Variants in NAA35 observed in about 807,000 individuals in gnomAD.
The protein encoded by NAA35 is N-alpha-acetyltransferase 35, NatC auxiliary subunit.
NAA35 carries 18 observed loss-of-function variants against 101.7 expected under a neutral mutation model. The observed-to-expected ratio is 0.18, with a 90% CI of 0.12 to 0.26. NAA35 has a LOEUF of 0.26. NAA35 is among the 10% of genes least tolerant of loss of function. The pLI is 1.00. For synonymous variants in NAA35, 267 were observed against 273.1 expected (o/e 0.98, Z 0.22); for missense variants, 601 against 886.8 (o/e 0.68, Z 4.09).
chr9:86,008,580 CAT>C (rs1208333842), intron 14 of NAA35, among the ~76,000 whole-genome samples: 2 of 152,290 alleles, frequency 1.3e-5, no homozygotes, highest in African/African-American at 4.8e-5. Flanking sequence ...ACCAGAGACT[CAT>C]AGGAATCTAA....
Position 85,941,763 on chromosome 9 carries a change from TA to T in NAA35, c.-5-391del, listed in dbSNP as rs1564280922. On this transcript the variant is annotated intron_variant, in intron 1 of 22. Coordinates refer to ENST00000361671, the MANE Select transcript of NAA35 (RefSeq NM_024635.4). ...GAAGGGCTACCTTGATTGACTTCGGTAGCTGCCGCATGGGGTCCTGGGCTGC... is the reference window on the plus strand; with the variant it reads ...GAAGGGCTACCTTGATTGACTTCGGTGCTGCCGCATGGGGTCCTGGGCTGC... The T allele has an allele frequency of 9.5e-5, 94 of 990,566 alleles. 1 individual carries two copies. The South Asian group carries it at 3.6e-3, about 38-fold the overall frequency. 61.4% of individuals were successfully genotyped at this position (990,566 alleles called of 1,614,324 possible). A position where few individuals can be genotyped will look rare whatever the true frequency, so the allele number is the denominator to read the frequency against.
chr9:86,018,191 A>G lies in NAA35; in HGVS notation c.1774-64A>G, dbSNP rs147801585. ...AGCTGTTTCTTGTCTTCCATTCTGT[A>G]TTGATGAGTGTTCACTTTTTTCATA... is the stretch of plus-strand genomic sequence containing the variant. On this transcript the variant is annotated intron_variant, in intron 19 of 22. Coordinates refer to ENST00000361671, the MANE Select transcript of NAA35 (RefSeq NM_024635.4). 1,101 of 1,456,578 alleles carry G rather than the reference A, an allele frequency of 7.6e-4. 7 individuals are homozygous for G. Among genetic ancestry groups the G allele is most frequent in the African/African-American group, 4.3e-3 (310 of 72,078 alleles). 90.2% of individuals were successfully genotyped at this position (1,456,578 alleles called of 1,614,324 possible).
chr9:86,008,617 G>A (rs2118384321), intron 14 of NAA35, among the ~76,000 whole-genome samples: 1 of 152,288 alleles, frequency 6.6e-6, no homozygotes, highest in Non-Finnish European at 1.5e-5. Flanking sequence ...TGTTAGCAAT[G>A]ATTTAATAGT....
Position 85,996,581 on chromosome 9 carries a change from A to C in NAA35, c.1056+4A>C. ...AACAAATTTACATTGTATCCTGGTA[A>C]GTACAAATCTCTGTTCCAGAATGTA... On this transcript the variant is annotated splice_donor_region_variant and intron_variant, in intron 12 of 22. Coordinates refer to ENST00000361671, the MANE Select transcript of NAA35 (RefSeq NM_024635.4). 6.5e-7 allele frequency: 1 copy of C among 1,531,788 alleles called. No homozygotes were observed. The highest frequency in any genetic ancestry group is 8.7e-7 in the Non-Finnish European group (1 of 1,144,984). 94.9% of individuals were successfully genotyped at this position (1,531,788 alleles called of 1,614,324 possible).
intron 6 of NAA35, among the ~76,000 whole-genome samples, chr9:85,967,570 G>A (rs1829810533): frequency 6.6e-6 from 1 of 152,184 alleles, no homozygotes; most frequent in South Asian, 2.1e-4. Context: ...CACTTTGAGA[G>A]GCCCGAGGTG....
chr9:85,941,631 G>C, intron 1 of NAA35: 1 of 986,168 alleles, frequency 1.0e-6, no homozygotes, highest in Non-Finnish European at 1.2e-6. Flanking sequence ...AGGCCCGGCC[G>C]GCGGGACCCT....
chr9:86,016,459 A>G, intron 17 of NAA35, 80 bp from the exon 18 acceptor site: 1 of 1,205,808 alleles, frequency 8.3e-7, no homozygotes, highest in Admixed American at 2.3e-5. Context: ...ATTATTTGAA[A>G]TATCTATCGT....
intron 11 of NAA35, among the ~76,000 whole-genome samples, chr9:85,979,217 A>G (rs890342080): frequency 2.6e-5 from 4 of 152,202 alleles, no homozygotes; most frequent in African/African-American, 9.6e-5. Flanking sequence ...AGACAGGATC[A>G]TTTATAACCT....
At chr9:85,985,491 G>A (rs1241584939) in intron 11 of NAA35, among the ~76,000 whole-genome samples, 11 of 152,168 alleles carry the variant, frequency 7.2e-5, no homozygotes, top group Admixed American at 2.0e-4. Context: ...AATCAGAAAA[G>A]ACCATGTATT....
At chr9:85,949,515 G>C (rs938953606) in intron 2 of NAA35, among the ~76,000 whole-genome samples, 9 of 151,768 alleles carry the variant, frequency 5.9e-5, no homozygotes, top group African/African-American at 2.2e-4. Flanking sequence ...GGCTGGTCTC[G>C]AACTCCTGAC....
chr9:85,985,224 G>C (rs769004694), intron 11 of NAA35, among the ~76,000 whole-genome samples: 35 of 152,270 alleles, frequency 2.3e-4, no homozygotes, highest in Non-Finnish European at 4.9e-4. Flanking sequence ...CAGCTCTCTT[G>C]GAGATAGTCT....
At chr9:85,948,643 A>G (rs1029944192) in intron 2 of NAA35, among the ~76,000 whole-genome samples, 32 of 152,270 alleles carry the variant, frequency 2.1e-4, no homozygotes, top group African/African-American at 7.5e-4. Context: ...CACTTGACTG[A>G]TATTATGTCT....
At chr9:85,969,543 G>T (rs907986980) in intron 6 of NAA35, among the ~76,000 whole-genome samples, 6 of 152,060 alleles carry the variant, frequency 3.9e-5, no homozygotes, top group Non-Finnish European at 8.8e-5. Flanking sequence ...ATTTACATCA[G>T]CATGCAAACG....
At chr9:86,017,589 T>A in intron 19 of NAA35, 24 bp downstream of exon 19, 2 of 1,600,238 alleles carry the variant, frequency 1.2e-6, no homozygotes, top group Non-Finnish European at 1.7e-6. Flanking sequence ...AGTGAAGTTC[T>A]TTTTGCCTTT....
intron 22 of NAA35, 52 bp downstream of exon 22, chr9:86,021,021 T>C: frequency 1.5e-6 from 2 of 1,358,796 alleles, no homozygotes; most frequent in Non-Finnish European, 2.1e-6. Context: ...TGAAGTTTCA[T>C]AAGTTTTGCA....
At chr9:85,950,403 A>G (rs1242239777) in intron 2 of NAA35, among the ~76,000 whole-genome samples, 2 of 152,112 alleles carry the variant, frequency 1.3e-5, no homozygotes, top group Non-Finnish European at 2.9e-5. Flanking sequence ...GTGCCACCGC[A>G]CCTGGCTAAT....
rs1220967529 is a variant in NAA35, at chr9:85,989,943, C to G, written c.878-6456C>G. On this transcript the variant is annotated intron_variant, in intron 11 of 22. Coordinates refer to ENST00000361671, the MANE Select transcript of NAA35 (RefSeq NM_024635.4). The stretch of plus-strand genomic sequence containing the variant: ...GTATATTTCAACATGTGGAGGTAAC[C>G]AATGGCGATAGAGATAAGATTATTC... 2.0e-5 allele frequency among the ~76,000 whole-genome samples: 3 copies of G among 152,162 alleles called. No individual in the cohort carries two copies. In the East Asian group the frequency reaches 5.8e-4, roughly 29 times the overall value.
At chr9:85,952,281 G>GTTT (rs1482778374) in intron 2 of NAA35, among the ~76,000 whole-genome samples, 8 of 138,206 alleles carry the variant, frequency 5.8e-5, no homozygotes, top group African/African-American at 2.2e-4. Flanking sequence ...TTGTGCAAGT[G>GTTT]TTTTTTGTTT....
At chr9:86,011,980 A>C (rs1208530091) in intron 15 of NAA35, among the ~76,000 whole-genome samples, 3 of 141,488 alleles carry the variant, frequency 2.1e-5, no homozygotes, top group Admixed American at 7.3e-5. Context: ...ATAATATATA[A>C]TATATATTAT....
Sources: allele counts gnomAD v4.1 joint callset (sites outside exome capture counted in the v4.1 genomes callset), GRCh38; gene constraint gnomAD v4.1.1; transcripts MANE v1.5; gene names NCBI Gene and HGNC (gene_info 2026-07-23, HGNC 2026-07-21).